BAIAP2: variants seen among roughly 807,000 people sequenced by gnomAD.
BAIAP2 encodes BAR/IMD domain-containing adapter protein 2.
Under a neutral mutation model 63.0 loss-of-function variants are expected in BAIAP2, and 18 were observed. That is an observed-to-expected ratio of 0.29 (90% confidence interval 0.20 to 0.42). BAIAP2 has a LOEUF of 0.42. Among genes scored for constraint, BAIAP2 ranks in the 10% least tolerant of loss-of-function variants. The probability of loss-of-function intolerance (pLI) is 1.00; values close to 1 mark genes in which losing one functional copy is unlikely to be tolerated. For missense variants in BAIAP2, 610 were observed against 734.3 expected (o/e 0.83, Z 1.96); for synonymous variants, 386 against 307.6 (o/e 1.25, Z -2.67).
intron 3 of BAIAP2, among the ~76,000 whole-genome samples, chr17:81,064,411 C>A (rs1253849750): frequency 6.6e-6 from 1 of 152,242 alleles, no homozygotes; most frequent in Non-Finnish European, 1.5e-5. Context: ...GCCCGCTCCC[C>A]CTTTCCCTGC....
At chr17:81,053,474 G>T in intron 1 of BAIAP2, 194 bp from the exon 2 acceptor site, 1 of 620,882 alleles carries the variant, frequency 1.6e-6, no homozygotes, top group Non-Finnish European at 2.8e-6. Flanking sequence ...CCGAGGCTCA[G>T]GAAGGTCATT....
intron 13 of BAIAP2, among the ~76,000 whole-genome samples, chr17:81,114,022 T>C (rs993076796): frequency 2.1e-5 from 3 of 142,614 alleles, no homozygotes; most frequent in South Asian, 2.3e-4. Context: ...TGGAGTGCAG[T>C]GGTGGGAACA....
chr17:81,052,508 T>C (rs2144076539), intron 1 of BAIAP2, among the ~76,000 whole-genome samples: 1 of 152,310 alleles, frequency 6.6e-6, no homozygotes, highest in African/African-American at 2.4e-5. Context: ...GACTGAGGTG[T>C]ACCCGGCCTG....
intron 3 of BAIAP2, among the ~76,000 whole-genome samples, chr17:81,070,603 G>A (rs1047053371): frequency 7.2e-5 from 11 of 152,206 alleles, no homozygotes; most frequent in African/African-American, 9.6e-5. Context: ...TGCCTGTCCC[G>A]CTGCAGCTGT....
intron 13 of BAIAP2, chr17:81,111,024 C>G: frequency 1.9e-6 from 3 of 1,594,144 alleles, no homozygotes; most frequent in Non-Finnish European, 2.6e-6. Context: ...GGCCCTCTGG[C>G]CTCAGTCACG....
chr17:81,064,989 C>G (rs574268972), intron 3 of BAIAP2, among the ~76,000 whole-genome samples: 3 of 152,348 alleles, frequency 2.0e-5, no homozygotes, highest in African/African-American at 7.2e-5. Flanking sequence ...GACTGGTTTT[C>G]CAATCCCCGC....
chr17:81,053,623 G>C (rs2049016436), intron 1 of BAIAP2, 45 bp from the exon 2 acceptor site: 2 of 1,609,104 alleles, frequency 1.2e-6, no homozygotes, highest in Non-Finnish European at 1.7e-6. Context: ...GAGTCACCAG[G>C]GTGACCTCTG....
At chr17:81,106,228 T>G in intron 11 of BAIAP2, 82 bp downstream of exon 11, 1 of 1,424,822 alleles carries the variant, frequency 7.0e-7, no homozygotes, top group Non-Finnish European at 9.6e-7. Context: ...GGGCTTGGAT[T>G]GCTCGGCTGG....
intron 13 of BAIAP2, chr17:81,108,830 C>T (rs377347997): frequency 7.4e-7 from 1 of 1,359,222 alleles, no homozygotes; most frequent in Non-Finnish European, 9.8e-7. Context: ...GTGCTCCGCC[C>T]TTGTCCTGGG....
intron 3 of BAIAP2, among the ~76,000 whole-genome samples, chr17:81,066,709 C>T (rs1190209514): frequency 1.3e-5 from 2 of 152,218 alleles, no homozygotes; most frequent in East Asian, 1.9e-4. Context: ...CAAAGTGGCT[C>T]GGAAGCACCA....
At chr17:81,041,140 C>T (rs1287486825) in intron 1 of BAIAP2, among the ~76,000 whole-genome samples, 3 of 152,246 alleles carry the variant, frequency 2.0e-5, no homozygotes, top group African/African-American at 7.2e-5. Context: ...TTTGGTCACC[C>T]CTGAGCTTTG....
intron 5 of BAIAP2, 151 bp from the exon 6 acceptor site, chr17:81,086,292 G>A (rs923766117): frequency 5.9e-5 from 57 of 960,330 alleles, no homozygotes; most frequent in Non-Finnish European, 9.0e-5. Context: ...AGCTGAGCAT[G>A]CACGGCCAGA....
chr17:81,038,610 C>CCA (rs1464987520), intron 1 of BAIAP2, among the ~76,000 whole-genome samples: 12 of 152,250 alleles, frequency 7.9e-5, no homozygotes, highest in African/African-American at 2.9e-4. Flanking sequence ...GAGACGGGTG[C>CCA]CACAGGGTTC....
At chr17:81,075,813 TACTGCCCAGCCTTTGC>T (rs1195072301) in intron 3 of BAIAP2, among the ~76,000 whole-genome samples, 2 of 152,222 alleles carry the variant, frequency 1.3e-5, no homozygotes, top group African/African-American at 4.8e-5. Flanking sequence ...GGGCCCCCAG[TACTGCCCAGCCTTTGC>T]ACTGGCCAGC....
chr17:81,074,750 CTG>C (rs1161434485), intron 3 of BAIAP2, among the ~76,000 whole-genome samples: 2 of 150,950 alleles, frequency 1.3e-5, no homozygotes, highest in African/African-American at 4.9e-5. Context: ...GTGTGAGTGC[CTG>C]TGTGTGTGCA....
chr17:81,082,427 G>A (rs1181802080), intron 3 of BAIAP2, among the ~76,000 whole-genome samples: 1 of 152,150 alleles, frequency 6.6e-6, no homozygotes, highest in Non-Finnish European at 1.5e-5. Context: ...CAGAGGGTGA[G>A]CAACTGTGTG....
In BAIAP2 at chr17:81,066,115, GC is replaced by G. The variant is rs2051413395; in HGVS notation, c.217+8151del. Among the ~76,000 whole-genome samples, 3 of 152,390 alleles carry G rather than the reference GC, an allele frequency of 2.0e-5. No individual in the cohort carries two copies. In the South Asian group the frequency reaches 6.2e-4, roughly 32 times the overall value. Reference sequence around the variant, plus strand: ...CACCTGAGCCAGGCTGTTTTGCTCAGCCCTTTCCCATCTCTGGAGGCCTCTG... The same window carrying G: ...CACCTGAGCCAGGCTGTTTTGCTCAGCCTTTCCCATCTCTGGAGGCCTCTG... On this transcript the variant is annotated intron_variant, in intron 3 of 13. Transcript: ENST00000428708.
chr17:81,054,877 G>C lies in BAIAP2; in HGVS notation c.130+1134G>C, dbSNP rs537970410. On this transcript the variant is annotated intron_variant, in intron 2 of 13. Coordinates refer to ENST00000428708, the MANE Select transcript of BAIAP2 (RefSeq NM_001144888.2). ...GCCAGATGCCCTTCTCACCTGCCCT[G>C]TTGGCCCCGCAGGTGCCCTTGGCTG... Among the ~76,000 whole-genome samples, 3 of 152,242 alleles carry C rather than the reference G, an allele frequency of 2.0e-5. No homozygotes were observed. In the East Asian group the frequency reaches 5.8e-4, roughly 29 times the overall value.
intron 3 of BAIAP2, among the ~76,000 whole-genome samples, chr17:81,070,086 G>A (rs1240513719): frequency 6.6e-6 from 1 of 152,152 alleles, no homozygotes; most frequent in Non-Finnish European, 1.5e-5. Context: ...CAGCTTCTGA[G>A]TAGCCAGGAC....
Sources: allele counts gnomAD v4.1 joint callset (sites outside exome capture counted in the v4.1 genomes callset), GRCh38; gene constraint gnomAD v4.1.1; transcripts MANE v1.5; gene names NCBI Gene and HGNC (gene_info 2026-07-23, HGNC 2026-07-21).